VASH1: variants seen among roughly 807,000 people sequenced by gnomAD.
The protein encoded by VASH1 is tubulinyl-Tyr carboxypeptidase 1.
VASH1 carries 16 observed loss-of-function variants against 35.0 expected under a neutral mutation model. The observed-to-expected ratio is 0.46, with a 90% CI of 0.31 to 0.70. VASH1 has a LOEUF of 0.70. Ranked by LOEUF, VASH1 falls within the 30% of genes least tolerant of loss-of-function variation. VASH1 has a pLI of 0.05. For synonymous variants in VASH1, 214 were observed against 200.9 expected (o/e 1.07, Z -0.55); for missense variants, 505 against 510.7 (o/e 0.99, Z 0.11).
intron 1 of VASH1, among the ~76,000 whole-genome samples, chr14:76,767,379 C>T (rs932927509): frequency 3.9e-5 from 6 of 152,172 alleles, no homozygotes; most frequent in Non-Finnish European, 5.9e-5. Context: ...ACTTTTTGGG[C>T]GCACACATCC....
Position 76,781,103 on chromosome 14 carries a change from TGA to T in VASH1, c.*2089_*2090del, listed in dbSNP as rs1491215303. Reference sequence around the variant, plus strand: ...GCAGAACCAGGGATGCCTTTGCTGATGAGAGTGCCTGTCAGGGAAGGCGCCAC... The same window carrying T: ...GCAGAACCAGGGATGCCTTTGCTGATGAGTGCCTGTCAGGGAAGGCGCCAC... On this transcript the variant is annotated 3_prime_UTR_variant, in exon 7 of 7. Transcript: ENST00000167106. 5.3e-5 allele frequency: 8 copies of T among 152,358 alleles called. No individual in the cohort carries two copies. The highest frequency in any genetic ancestry group is 1.2e-4 in the African/African-American group (5 of 41,420). 9.4% of individuals were successfully genotyped at this position (152,358 alleles called of 1,614,324 possible).
chr14:76,778,853 G>T, intron 6 of VASH1, 93 bp from the exon 7 acceptor site: 1 of 1,269,584 alleles, frequency 7.9e-7, no homozygotes, highest in South Asian at 1.2e-5. Context: ...GAATGTGGCG[G>T]GGAAGCCACC....
At chr14:76,773,602 A>T in intron 4 of VASH1, 1 of 322,028 alleles carries the variant, frequency 3.1e-6, no homozygotes, top group Non-Finnish European at 5.6e-6. Flanking sequence ...GAACATGTTG[A>T]TTTCTGGACG....
At chr14:76,770,282 C>A (rs1043625768) in intron 2 of VASH1, among the ~76,000 whole-genome samples, 1 of 152,166 alleles carries the variant, frequency 6.6e-6, no homozygotes, top group African/African-American at 2.4e-5. Flanking sequence ...CTCTCTGCCA[C>A]CCCCTTCCCG....
intron 1 of VASH1, among the ~76,000 whole-genome samples, chr14:76,767,020 G>A (rs1893659773): frequency 6.6e-6 from 1 of 152,052 alleles, no homozygotes; most frequent in South Asian, 2.1e-4. Flanking sequence ...CGAAGCAGGT[G>A]GATCACTTGA....
intron 1 of VASH1, among the ~76,000 whole-genome samples, chr14:76,766,536 G>A (rs1008416087): frequency 6.6e-6 from 1 of 152,326 alleles, no homozygotes; most frequent in African/African-American, 2.4e-5. Context: ...TACCTTCTGG[G>A]CTCAAGTGAT....
chr14:76,776,083 T>C lies in VASH1; in HGVS notation c.722T>C (p.Leu241Pro). The C allele has an allele frequency of 6.2e-7, 1 of 1,609,326 alleles. No individual in the cohort carries two copies. Among genetic ancestry groups the C allele is most frequent in the Non-Finnish European group, 8.5e-7 (1 of 1,179,504 alleles). Residue 241 changes from leucine (L) to proline (P), a missense_variant, in exon 5 of 7, where the codon CTG becomes CCG. Leu to Pro is a moderately conservative substitution (Grantham distance 98). Coordinates refer to ENST00000167106, the MANE Select transcript of VASH1 (RefSeq NM_014909.5). The stretch of plus-strand genomic sequence containing the variant: ...TTCCGCACGCTCAGCGAGCTCGTGC[T>C]GGACTTCGAGGCCGCCTACGGCCGC... The part of the protein sequence containing the change: ...PAFRTLSELV[L>P]DFEAAYGRCW...
At chr14:76,777,279 C>T (rs1425814986) in intron 5 of VASH1, among the ~76,000 whole-genome samples, 1 of 152,222 alleles carries the variant, frequency 6.6e-6, no homozygotes, top group African/African-American at 2.4e-5. Flanking sequence ...CCTGAGCTGC[C>T]GCTCCCCACC....
In VASH1 at chr14:76,773,191, G is replaced by A. The variant is rs2140182345; in HGVS notation, c.510G>A (p.Leu170=). The change falls in exon 4 of 7, where the codon CTG becomes CTA. Residue 170 remains leucine, a synonymous_variant. Coordinates refer to ENST00000167106, the MANE Select transcript of VASH1 (RefSeq NM_014909.5). The stretch of plus-strand genomic sequence containing the variant: ...AAGAGGCCCTGCCAATCAAATGCCT[G>A]GAAGCCGTGATCCTGGGAATGTATC... ...MTKEALPIKC[L]EAVILGIYLT... 6.2e-7 allele frequency: 1 copy of A among 1,614,150 alleles called. No homozygotes were observed. Among genetic ancestry groups the A allele is most frequent in the East Asian group, 2.2e-5 (1 of 44,878 alleles).
intron 1 of VASH1, among the ~76,000 whole-genome samples, chr14:76,766,240 T>C (rs1893637864): frequency 6.6e-6 from 1 of 152,160 alleles, no homozygotes; most frequent in African/African-American, 2.4e-5. Context: ...AGATCCCAAA[T>C]CCAGCAACAG....
chr14:76,773,611 C>T (rs1420621196), intron 4 of VASH1: 6 of 301,958 alleles, frequency 2.0e-5, no homozygotes, highest in African/African-American at 4.4e-5. Flanking sequence ...GATTTCTGGA[C>T]GAGATATTAA....
rs546271310 is a variant in VASH1 at position 76,771,179 on chromosome 14, C to G, written c.399-11C>G. On this transcript the variant is annotated splice_polypyrimidine_tract_variant and intron_variant, in intron 2 of 6. Transcript: ENST00000167106. The stretch of plus-strand genomic sequence containing the variant: ...AGGCCAAGCTAGGAAGCCCTTAACC[C>G]GTGCCCACAGGTACAATCACACAGG... 2 of 1,584,132 alleles carry G rather than the reference C, an allele frequency of 1.3e-6. No individual in the cohort carries two copies. The highest frequency in any genetic ancestry group is 1.7e-6 in the Non-Finnish European group (2 of 1,165,540).
At chr14:76,773,034 T>G (rs1893835271) in intron 3 of VASH1, 103 bp from the exon 4 acceptor site, 3 of 1,146,858 alleles carry the variant, frequency 2.6e-6, no homozygotes, top group Non-Finnish European at 3.8e-6. Context: ...GGGGGCAGCC[T>G]CTGTCCTTCT....
Position 76,762,564 on chromosome 14 carries a change from G to T in VASH1, c.-258G>T. The T allele has an allele frequency of 2.8e-6, 1 of 355,798 alleles. No individual in the cohort carries two copies. Among genetic ancestry groups the T allele is most frequent in the Admixed American group, 4.8e-5 (1 of 21,046 alleles). 22.0% of individuals were successfully genotyped at this position (355,798 alleles called of 1,614,324 possible). A position where few individuals can be genotyped will look rare whatever the true frequency, so the allele number is the denominator to read the frequency against. On this transcript the variant is annotated 5_prime_UTR_variant, in exon 1 of 7. Coordinates refer to ENST00000167106, the MANE Select transcript of VASH1 (RefSeq NM_014909.5). ...TTTGTGACGGCTGCCAAGTTGGGGT[G>T]TGTTCTCTTTATTCCGTTTTTCAAA...
intron 4 of VASH1, chr14:76,773,612 G>C (rs1190945433): frequency 3.3e-6 from 1 of 306,986 alleles, no homozygotes; most frequent in African/African-American, 2.2e-5. Flanking sequence ...ATTTCTGGAC[G>C]AGATATTAAA....
At chr14:76,776,413 A>T in intron 5 of VASH1, 140 bp downstream of exon 5, 1 of 1,192,400 alleles carries the variant, frequency 8.4e-7, no homozygotes. Flanking sequence ...GATATTGTTC[A>T]GGTGGTCCCC....
chr14:76,771,082 C>A, intron 2 of VASH1, 108 bp from the exon 3 acceptor site: 1 of 932,052 alleles, frequency 1.1e-6, no homozygotes, highest in Non-Finnish European at 1.5e-6. Flanking sequence ...TCATGCTGTG[C>A]CCCCATCTCC....
At chr14:76,772,554 G>A (rs1478949722) in intron 3 of VASH1, among the ~76,000 whole-genome samples, 2 of 152,202 alleles carry the variant, frequency 1.3e-5, no homozygotes, top group Non-Finnish European at 1.5e-5. Context: ...GAGGAACCAC[G>A]CCTCAGGGAA....
chr14:76,769,058 T>C (rs1287838107), intron 1 of VASH1, among the ~76,000 whole-genome samples: 1 of 152,168 alleles, frequency 6.6e-6, no homozygotes, highest in Non-Finnish European at 1.5e-5. Flanking sequence ...AGATCCGGGC[T>C]CCCCTGGCTG....
Sources: gnomAD v4.1 joint callset for allele counts (sites outside exome capture counted in the v4.1 genomes callset) on GRCh38, gnomAD v4.1.1 for gene constraint, MANE v1.5 for transcripts, NCBI Gene and HGNC (gene_info 2026-07-23, HGNC 2026-07-21) for gene names.